GNAL: variants seen among roughly 807,000 people sequenced by gnomAD.
GNAL encodes guanine nucleotide-binding protein G(olf) subunit alpha.
In GNAL, 18 loss-of-function variants were observed where a neutral mutation model predicts 55.1. The ratio of observed to expected loss-of-function variants is 0.33; its 90% CI spans 0.23 to 0.48. The LOEUF (loss-of-function observed/expected upper bound fraction) is 0.48. Among genes scored for constraint, GNAL ranks in the 20% least tolerant of loss-of-function variants. GNAL has a pLI of 0.99. For missense variants in GNAL, 412 were observed against 614.1 expected (o/e 0.67, Z 3.48); for synonymous variants, 253 against 237.0 (o/e 1.07, Z -0.62).
rs144454782 is a variant in GNAL at position 11,757,189 on chromosome 18, T to C, written c.624+3244T>C. Among the ~76,000 whole-genome samples, 98 of 152,294 alleles carry C rather than the reference T, an allele frequency of 6.4e-4. 3 individuals are homozygous for C. In the East Asian group the frequency reaches 0.016, roughly 25 times the overall value. ...TCTTTCATTTGAATTTCAGTTGAAT[T>C]CCATGAATCTGAAGTTGTAACAGAA... On this transcript the variant is annotated intron_variant, in intron 4 of 11. Transcript: ENST00000334049.
intron 1 of GNAL, among the ~76,000 whole-genome samples, chr18:11,717,780 T>G (rs1402889220): frequency 3.3e-5 from 5 of 152,134 alleles, no homozygotes; most frequent in Non-Finnish European, 7.3e-5. Context: ...CAATACACAC[T>G]GGAACCTTTC....
intron 4 of GNAL, among the ~76,000 whole-genome samples, chr18:11,771,799 C>T (rs1251355543): frequency 1.3e-5 from 2 of 152,176 alleles, no homozygotes; most frequent in East Asian, 3.9e-4. Context: ...ACTGCAACCT[C>T]CTCCTTCTGG....
At chr18:11,810,148 T>C (rs1363847786) in intron 4 of GNAL, among the ~76,000 whole-genome samples, 1 of 152,218 alleles carries the variant, frequency 6.6e-6, no homozygotes, top group Non-Finnish European at 1.5e-5. Flanking sequence ...GTCAGCACTT[T>C]GGGAGGCCGA....
chr18:11,817,749 G>GCCT (rs1568040624), intron 4 of GNAL, among the ~76,000 whole-genome samples: 19 of 150,286 alleles, frequency 1.3e-4, no homozygotes, highest in African/African-American at 4.2e-4. Flanking sequence ...CCACAACACC[G>GCCT]GGCTAATTTT....
Position 11,884,420 on chromosome 18 carries a change from T to C in GNAL, c.*3285T>C. ...GCCCAAAGTTCCATTTCTTGGGCTT[T>C]GATATTTATAATGGCGCCTGCTCTT... On this transcript the variant is annotated 3_prime_UTR_variant, in exon 12 of 12. Transcript: ENST00000334049. 6.2e-7 allele frequency: 1 copy of C among 1,606,644 alleles called. No individual in the cohort carries two copies. The highest frequency in any genetic ancestry group is 8.5e-7 in the Non-Finnish European group (1 of 1,174,848).
At chr18:11,740,284 C>A (rs1259810117) in intron 1 of GNAL, among the ~76,000 whole-genome samples, 4 of 152,036 alleles carry the variant, frequency 2.6e-5, no homozygotes, top group African/African-American at 9.7e-5. Context: ...TCCTTACTTT[C>A]CGACATAACA....
At chr18:11,698,962 A>G (rs971614186) in intron 1 of GNAL, among the ~76,000 whole-genome samples, 1 of 152,112 alleles carries the variant, frequency 6.6e-6, no homozygotes, top group African/African-American at 2.4e-5. Context: ...ATTTTCGGGT[A>G]TCTAGCTAAT....
chr18:11,793,085 A>G (rs114244303), intron 4 of GNAL, among the ~76,000 whole-genome samples: 2,821 of 152,324 alleles, frequency 0.019, 85 homozygotes, highest in African/African-American at 0.064. Flanking sequence ...AATCTTCATG[A>G]TCTTGGATTT....
At chr18:11,748,714 A>G (rs1296318230) in intron 1 of GNAL, among the ~76,000 whole-genome samples, 1 of 152,096 alleles carries the variant, frequency 6.6e-6, no homozygotes, top group African/African-American at 2.4e-5. Flanking sequence ...TTTTCAAGGG[A>G]TTTATTTTGT....
intron 1 of GNAL, among the ~76,000 whole-genome samples, chr18:11,735,155 A>G (rs2032432833): frequency 6.6e-6 from 1 of 151,520 alleles, no homozygotes; most frequent in South Asian, 2.1e-4. Flanking sequence ...GGTTCAAGTG[A>G]TTCTCCTGCC....
intron 5 of GNAL, among the ~76,000 whole-genome samples, chr18:11,861,385 G>T (rs182446089): frequency 2.4e-4 from 37 of 152,154 alleles, no homozygotes; most frequent in African/African-American, 8.7e-4. Flanking sequence ...GCCCTCAATG[G>T]TCACCTGTCC....
intron 8 of GNAL, among the ~76,000 whole-genome samples, chr18:11,867,768 C>T (rs552574579): frequency 7.3e-4 from 108 of 147,948 alleles, no homozygotes; most frequent in African/African-American, 2.7e-3. Context: ...GAGCTGAGAT[C>T]GCACCACTGC....
chr18:11,852,239 GT>G, intron 5 of GNAL: 2 of 1,147,100 alleles, frequency 1.7e-6, no homozygotes, highest in South Asian at 3.3e-5. Flanking sequence ...CTACCTTTGG[GT>G]TTACAGCCCC....
At chr18:11,692,822 T>TAAATAAAG (rs1298147318) in intron 1 of GNAL, among the ~76,000 whole-genome samples, 2 of 150,900 alleles carry the variant, frequency 1.3e-5, no homozygotes, top group African/African-American at 4.9e-5. Context: ...AATAAACAAA[T>TAAATAAAG]AAAAGAATAG....
At chr18:11,874,836 C>A (rs1390145671) in intron 10 of GNAL, among the ~76,000 whole-genome samples, 1 of 148,286 alleles carries the variant, frequency 6.7e-6, no homozygotes, top group African/African-American at 2.6e-5. Flanking sequence ...TGCACCCACC[C>A]ACCCCCCACA....
chr18:11,869,845 G>T (rs2036353669), intron 9 of GNAL, among the ~76,000 whole-genome samples: 1 of 152,102 alleles, frequency 6.6e-6, no homozygotes, highest in South Asian at 2.1e-4. Context: ...GGAGGCGGAG[G>T]TTACAGTAAG....
Position 11,884,583 on chromosome 18 carries a change from G to GAGGT in GNAL, c.*3451_*3454dup. ...TGATCAAAACCACATCCTCACGTGG[G>GAGGT]AGGTAGCACTTGGAGAGGGTGTAGT... On this transcript the variant is annotated 3_prime_UTR_variant, in exon 12 of 12. Transcript: ENST00000334049. 6.2e-7 allele frequency: 1 copy of GAGGT among 1,613,964 alleles called. No individual in the cohort carries two copies. The highest frequency in any genetic ancestry group is 8.5e-7 in the Non-Finnish European group (1 of 1,180,034).
chr18:11,846,202 A>G (rs1484381784), intron 5 of GNAL, among the ~76,000 whole-genome samples: 4 of 152,066 alleles, frequency 2.6e-5, no homozygotes, highest in Non-Finnish European at 5.9e-5. Context: ...GAGGAGAATC[A>G]CTGTGTTGCT....
At chr18:11,698,592 G>A (rs1200299876) in intron 1 of GNAL, among the ~76,000 whole-genome samples, 1 of 152,094 alleles carries the variant, frequency 6.6e-6, no homozygotes, top group Non-Finnish European at 1.5e-5. Context: ...GGGACAGGAA[G>A]ACACTGAAGC....
Sources: allele counts gnomAD v4.1 joint callset (sites outside exome capture counted in the v4.1 genomes callset), GRCh38; gene constraint gnomAD v4.1.1; transcripts MANE v1.5; gene names NCBI Gene and HGNC (gene_info 2026-07-23, HGNC 2026-07-21).